Variants in MNAT1 observed in about 807,000 individuals in gnomAD.
MNAT1 encodes CDK-activating kinase assembly factor MAT1.
Under a neutral mutation model 42.0 loss-of-function variants are expected in MNAT1, and 43 were observed. The ratio of observed to expected loss-of-function variants is 1.02; its 90% CI spans 0.80 to 1.32. The LOEUF is 1.32. Ranked by LOEUF, MNAT1 falls within the 40% of genes most tolerant of loss-of-function variation. The pLI is 0.00. For missense variants in MNAT1, 306 were observed against 350.4 expected, an observed-to-expected ratio of 0.87 and a Z score of 1.01; for synonymous variants, 118 against 120.0, an observed-to-expected ratio of 0.98 and a Z score of 0.11.
At chr14:60,944,886 A>C (rs1400087181) in intron 7 of MNAT1, among the ~76,000 whole-genome samples, 1 of 152,206 alleles carries the variant, frequency 6.6e-6, no homozygotes, top group Non-Finnish European at 1.5e-5. Context: ...GAGGACTCAA[A>C]GAGTTTTCAT....
chr14:60,782,842 C>T (rs939110181), intron 1 of MNAT1, among the ~76,000 whole-genome samples: 8 of 152,172 alleles, frequency 5.3e-5, no homozygotes, highest in Non-Finnish European at 1.2e-4. Flanking sequence ...CTCTCAGTTG[C>T]TCAATAAATA....
At chr14:60,830,206 T>C (rs2033175721) in intron 6 of MNAT1, among the ~76,000 whole-genome samples, 1 of 152,158 alleles carries the variant, frequency 6.6e-6, no homozygotes, top group Non-Finnish European at 1.5e-5. Flanking sequence ...GTGGAAGAAT[T>C]GTTAGCAAAA....
intron 6 of MNAT1, among the ~76,000 whole-genome samples, chr14:60,874,999 G>A (rs1018698303): frequency 6.6e-6 from 1 of 151,958 alleles, no homozygotes; most frequent in African/African-American, 2.4e-5. Context: ...AGTTTTTTCC[G>A]AGGGAAAGAT....
At chr14:60,833,458 C>G (rs1566786120) in intron 6 of MNAT1, among the ~76,000 whole-genome samples, 1 of 152,084 alleles carries the variant, frequency 6.6e-6, no homozygotes, top group Non-Finnish European at 1.5e-5. Flanking sequence ...GTCATTGGTT[C>G]TGTTTATGTG....
At chr14:60,871,628 T>A (rs1362273200) in intron 6 of MNAT1, among the ~76,000 whole-genome samples, 2 of 147,184 alleles carry the variant, frequency 1.4e-5, no homozygotes, top group African/African-American at 5.1e-5. Context: ...ATTCTAGGAT[T>A]TTTTTTTTTT....
At chr14:60,857,476 G>A (rs1445591009) in intron 6 of MNAT1, among the ~76,000 whole-genome samples, 1 of 152,166 alleles carries the variant, frequency 6.6e-6, no homozygotes, top group East Asian at 1.9e-4. Flanking sequence ...GTGGTTTCTT[G>A]AGATAGAATC....
At chr14:60,773,377 G>A (rs959360863) in intron 1 of MNAT1, among the ~76,000 whole-genome samples, 1 of 152,126 alleles carries the variant, frequency 6.6e-6, no homozygotes, top group South Asian at 2.1e-4. Context: ...CCAAAACACA[G>A]GGCTTGAGAT....
At chr14:60,815,116 A>G (rs1190697449) in intron 5 of MNAT1, among the ~76,000 whole-genome samples, 1 of 152,166 alleles carries the variant, frequency 6.6e-6, no homozygotes, top group East Asian at 1.9e-4. Flanking sequence ...CTTTGATAGA[A>G]AATATGCTTT....
chr14:60,792,235 T>A (rs2031850559), intron 1 of MNAT1, among the ~76,000 whole-genome samples: 1 of 152,192 alleles, frequency 6.6e-6, no homozygotes, highest in Non-Finnish European at 1.5e-5. Context: ...AGGTCATTTC[T>A]ACCTCTAAAA....
chr14:60,798,792 T>C (rs2032104199), intron 3 of MNAT1, among the ~76,000 whole-genome samples: 1 of 152,274 alleles, frequency 6.6e-6, no homozygotes, highest in East Asian at 1.9e-4. Flanking sequence ...ATTTAAAAAA[T>C]AATGCTGCTT....
intron 6 of MNAT1, among the ~76,000 whole-genome samples, chr14:60,832,973 C>T (rs774046916): frequency 6.6e-6 from 1 of 152,104 alleles, no homozygotes; most frequent in African/African-American, 2.4e-5. Flanking sequence ...ATTTGGCTCT[C>T]TGCTTGTCTA....
chr14:60,891,872 T>C (rs4151307), intron 7 of MNAT1, among the ~76,000 whole-genome samples: 3,702 of 152,340 alleles, frequency 0.024, 66 homozygotes, highest in Middle Eastern at 0.048. Flanking sequence ...TTTCCAACTA[T>C]TTTCTAATTT....
At chr14:60,848,727 A>G (rs2033742288) in intron 6 of MNAT1, among the ~76,000 whole-genome samples, 1 of 152,142 alleles carries the variant, frequency 6.6e-6, no homozygotes, top group African/African-American at 2.4e-5. Context: ...TCACATAAAA[A>G]CACATATAAA....
intron 7 of MNAT1, among the ~76,000 whole-genome samples, chr14:60,897,062 T>G (rs558651908): frequency 6.6e-6 from 1 of 152,174 alleles, no homozygotes; most frequent in Admixed American, 6.5e-5. Flanking sequence ...TCCGCATGAT[T>G]TTTTGTAAAT....
rs1019955837 is a variant in MNAT1, at chr14:60,833,352, G to A, written c.687+14505G>A. On this transcript the variant is annotated intron_variant, in intron 6 of 7. Coordinates refer to ENST00000261245, the MANE Select transcript of MNAT1 (RefSeq NM_002431.4). ...CTCTTGTTATTTTGAGATACATTCCGTCAATACCTAGTTTATTGAAAGTTT... is the reference window on the plus strand; with the variant it reads ...CTCTTGTTATTTTGAGATACATTCCATCAATACCTAGTTTATTGAAAGTTT... 8.6e-5 allele frequency among the ~76,000 whole-genome samples: 13 copies of A among 151,994 alleles called. 1 individual carries two copies. The South Asian group carries it at 1.0e-3, about 12-fold the overall frequency.
chr14:60,755,741 A>G (rs996520837), intron 1 of MNAT1, among the ~76,000 whole-genome samples: 1 of 152,234 alleles, frequency 6.6e-6, no homozygotes, highest in African/African-American at 2.4e-5. Flanking sequence ...CCTGAACAGC[A>G]GATGAAGTAA....
At chr14:60,806,216 G>A (rs968594823) in intron 3 of MNAT1, among the ~76,000 whole-genome samples, 11 of 152,208 alleles carry the variant, frequency 7.2e-5, no homozygotes, top group African/African-American at 9.7e-5. Flanking sequence ...CCAGCAGAGC[G>A]ATATTAGACA....
intron 7 of MNAT1, among the ~76,000 whole-genome samples, chr14:60,965,282 G>A (rs1202249052): frequency 6.6e-6 from 1 of 152,158 alleles, no homozygotes; most frequent in Non-Finnish European, 1.5e-5. Flanking sequence ...CTATGTTCAA[G>A]AAATACTATT....
chr14:60,855,540 C>T (rs1180348777), intron 6 of MNAT1, among the ~76,000 whole-genome samples: 1 of 152,052 alleles, frequency 6.6e-6, no homozygotes, highest in Admixed American at 6.5e-5. Context: ...TCACAGCTTC[C>T]CTTGGCTGCG....
Sources: gnomAD v4.1 joint callset for allele counts (sites outside exome capture counted in the v4.1 genomes callset) on GRCh38, gnomAD v4.1.1 for gene constraint, MANE v1.5 for transcripts, NCBI Gene and HGNC (gene_info 2026-07-23, HGNC 2026-07-21) for gene names.